POLQ: variants seen among roughly 807,000 people sequenced by gnomAD.
POLQ encodes DNA polymerase theta.
In POLQ, 233 loss-of-function variants were observed where a neutral mutation model predicts 259.2. The ratio of observed to expected loss-of-function variants is 0.90; its 90% CI spans 0.81 to 1.00. The LOEUF (loss-of-function observed/expected upper bound fraction) is 1.00, where lower values mean the gene tolerates loss of function less well. Ranked by LOEUF, POLQ falls within the 50% of genes least tolerant of loss-of-function variation. The pLI, the probability that POLQ is intolerant of heterozygous loss-of-function variation, is 0.00. For synonymous variants in POLQ, 1,025 were observed against 1,048.8 expected, an observed-to-expected ratio of 0.98 and a Z score of 0.44; for missense variants, 2,871 against 3,051.6, an observed-to-expected ratio of 0.94 and a Z score of 1.39.
At chr3:121,540,311 C>T (rs79810183) in intron 3 of POLQ, among the ~76,000 whole-genome samples, 1 of 152,018 alleles carries the variant, frequency 6.6e-6, no homozygotes, top group Non-Finnish European at 1.5e-5. Flanking sequence ...CCTAATTTTA[C>T]AAATAAAAAA....
intron 1 of POLQ, 56 bp downstream of exon 1, chr3:121,545,659 C>T: frequency 6.7e-7 from 1 of 1,487,764 alleles, no homozygotes; most frequent in African/African-American, 1.4e-5. Context: ...ACCTCCCGAC[C>T]CATGGCCCGG....
intron 5 of POLQ, among the ~76,000 whole-genome samples, chr3:121,536,416 A>T (rs1007643067): frequency 1.3e-5 from 2 of 152,178 alleles, no homozygotes; most frequent in African/African-American, 4.8e-5. Context: ...GCTGCTGTAA[A>T]TATTTTTAAA....
chr3:121,451,716 G>C (rs948675769), intron 25 of POLQ, among the ~76,000 whole-genome samples: 2 of 152,158 alleles, frequency 1.3e-5, no homozygotes, highest in Non-Finnish European at 2.9e-5. Context: ...GTGCCTCCTA[G>C]TTAGGCTACT....
chr3:121,498,803 A>G, intron 12 of POLQ, 133 bp from the exon 13 acceptor site: 1 of 650,548 alleles, frequency 1.5e-6, no homozygotes, highest in Non-Finnish European at 2.5e-6. Context: ...CAGAAGGCTG[A>G]GATGGAAAGA....
chr3:121,505,096 G>A (rs1385091384), intron 12 of POLQ, among the ~76,000 whole-genome samples: 2 of 152,144 alleles, frequency 1.3e-5, no homozygotes, highest in African/African-American at 2.4e-5. Flanking sequence ...TGGTGCTGTC[G>A]TTGCAATGGA....
Position 121,455,994 on chromosome 3 carries a change from G to A in POLQ, c.7152+4056C>T, listed in dbSNP as rs1420485381. The stretch of plus-strand genomic sequence containing the variant: ...TGCAAAAATCCTCAATAAAATACTG[G>A]CAAACCAAATCCAGCAGCACATCAA... On this transcript the variant is annotated intron_variant, in intron 25 of 29. Coordinates refer to ENST00000264233, the MANE Select transcript of POLQ (RefSeq NM_199420.4). Among the ~76,000 whole-genome samples the A allele has an allele frequency of 3.9e-5, 6 of 152,238 alleles. No homozygotes were observed. The East Asian group carries it at 9.6e-4, about 24-fold the overall frequency.
intron 12 of POLQ, among the ~76,000 whole-genome samples, chr3:121,508,715 C>T (rs1017519040): frequency 3.9e-5 from 6 of 152,140 alleles, no homozygotes; most frequent in African/African-American, 2.4e-5. Context: ...TAGACATTTC[C>T]CCTCTGCTCA....
chr3:121,461,231 C>T (rs780644257), intron 24 of POLQ, among the ~76,000 whole-genome samples: 19 of 152,128 alleles, frequency 1.2e-4, no homozygotes, highest in Non-Finnish European at 2.1e-4. Flanking sequence ...CAGTGTCTAT[C>T]GAAATTAAAC....
At chr3:121,494,618 C>G (rs921771678) in intron 14 of POLQ, 145 of 1,513,572 alleles carry the variant, frequency 9.6e-5, no homozygotes, top group Non-Finnish European at 1.2e-4. Context: ...TGTCTTCTTG[C>G]CTGCCCTGTG....
chr3:121,496,709 A>C, intron 14 of POLQ, 99 bp downstream of exon 14: 1 of 1,263,696 alleles, frequency 7.9e-7, no homozygotes, highest in Admixed American at 2.3e-5. Context: ...AGCACTTTTA[A>C]AGAAGCCTAC....
At chr3:121,477,631 T>A (rs914430742) in intron 19 of POLQ, among the ~76,000 whole-genome samples, 5 of 152,212 alleles carry the variant, frequency 3.3e-5, no homozygotes, top group African/African-American at 1.2e-4. Context: ...CCTTTTTTCA[T>A]ATAATACTTA....
chr3:121,498,243 G>A (rs2048139563), intron 13 of POLQ, among the ~76,000 whole-genome samples: 1 of 152,010 alleles, frequency 6.6e-6, no homozygotes. Flanking sequence ...CTGGGAGGCG[G>A]AGGTTGCGGT....
At position 121,489,877 on chromosome 3, in the gene POLQ, A is replaced by C. The variant is rs373833511; in HGVS notation, c.3054T>G (p.Thr1018=). The C allele has an allele frequency of 1.2e-6, 2 of 1,604,968 alleles. No homozygotes were observed. Among genetic ancestry groups the C allele is most frequent in the Non-Finnish European group, 8.5e-7 (1 of 1,177,954 alleles). ...GKTSDKKVVQ[T]FSQKTKKAPL... ...GTGCCTTTTTTGTTTTCTGTGAAAA[A>C]GTCTGAACAACTTTCTTATCACTTG... Residue 1018 remains threonine (T), a synonymous_variant, in exon 16 of 30, where the codon ACT becomes ACG. Coordinates refer to ENST00000264233, the MANE Select transcript of POLQ (RefSeq NM_199420.4).
At chr3:121,471,467 C>T (rs1425032244) in intron 22 of POLQ, among the ~76,000 whole-genome samples, 1 of 152,060 alleles carries the variant, frequency 6.6e-6, no homozygotes, top group Non-Finnish European at 1.5e-5. Flanking sequence ...CCAGGCTGGG[C>T]GCAGTGGCTC....
chr3:121,435,708 A>T (rs538284826), intron 28 of POLQ, among the ~76,000 whole-genome samples: 23 of 152,324 alleles, frequency 1.5e-4, no homozygotes, highest in African/African-American at 5.1e-4. Context: ...ATTACAACAG[A>T]TTGAATACAG....
intron 12 of POLQ, among the ~76,000 whole-genome samples, chr3:121,507,492 CGAG>C (rs971525482): frequency 3.9e-4 from 59 of 152,112 alleles, no homozygotes; most frequent in Non-Finnish European, 1.5e-4. Flanking sequence ...TTTGGGAGGC[CGAG>C]GAGGGTGGAT....
In POLQ at chr3:121,498,715, C is replaced by T. The variant is rs2108802833; in HGVS notation, c.1960-45G>A. On this transcript the variant is annotated intron_variant, in intron 12 of 29. Coordinates refer to ENST00000264233, the MANE Select transcript of POLQ (RefSeq NM_199420.4). ...TTCATTAACTAAAACTATTATATTA[C>T]AAAAAACCATTATATACAACCTTCA... is the stretch of plus-strand genomic sequence containing the variant. The T allele has an allele frequency of 2.2e-6, 3 of 1,350,284 alleles. No individual in the cohort carries two copies. The South Asian group carries it at 3.9e-5, about 18-fold the overall frequency. The allele number at this position is 1,350,284 out of a possible 1,614,324, so 83.6% of individuals were successfully genotyped here.
chr3:121,514,334 A>G (rs2048278868), intron 9 of POLQ, among the ~76,000 whole-genome samples: 2 of 151,292 alleles, frequency 1.3e-5, no homozygotes, highest in African/African-American at 2.4e-5. Context: ...GTGTATTAAA[A>G]AAAAAAACAA....
At chr3:121,436,819 G>A (rs750685199) in intron 27 of POLQ, among the ~76,000 whole-genome samples, 2 of 151,494 alleles carry the variant, frequency 1.3e-5, no homozygotes, top group Non-Finnish European at 2.9e-5. Flanking sequence ...TAGTGAAAAC[G>A]CACATCCTAG....
Sources: gnomAD v4.1 joint callset for allele counts (sites outside exome capture counted in the v4.1 genomes callset) on GRCh38, gnomAD v4.1.1 for gene constraint, MANE v1.5 for transcripts, NCBI Gene and HGNC (gene_info 2026-07-23, HGNC 2026-07-21) for gene names.